Variants in PTGER1 observed in about 807,000 individuals in gnomAD.
PTGER1 encodes prostaglandin E2 receptor EP1 subtype.
A neutral mutation model predicts 18.5 loss-of-function variants in PTGER1; 15 were observed. That is an observed-to-expected ratio of 0.81 (90% confidence interval 0.54 to 1.25). The LOEUF (loss-of-function observed/expected upper bound fraction) is 1.25. Ranked by LOEUF, PTGER1 falls within the 50% of genes most tolerant of loss-of-function variation. The pLI, the probability that PTGER1 is intolerant of heterozygous loss-of-function variation, is 0.00. For synonymous variants in PTGER1, 339 were observed against 308.4 expected, an observed-to-expected ratio of 1.10 and a Z score of -1.04; for missense variants, 567 against 603.4, an observed-to-expected ratio of 0.94 and a Z score of 0.63.
Position 14,474,533 on chromosome 19 carries a change from C to G in PTGER1, c.-17-196G>C, listed in dbSNP as rs1372215839. 6.6e-6 allele frequency among the ~76,000 whole-genome samples: 1 copy of G among 152,102 alleles called. No homozygotes were observed. Among genetic ancestry groups the G allele is most frequent in the Non-Finnish European group, 1.5e-5 (1 of 68,002 alleles). ...GGAAACCCTTCTCCCTCTCTTTTGC[C>G]TCTCACCACCCCATCTCCTGCTCCA... On this transcript the variant is annotated intron_variant, in intron 1 of 2. Coordinates refer to ENST00000292513, the MANE Select transcript of PTGER1 (RefSeq NM_000955.3). The surrounding 1 kb of genome is among the most constrained non-coding windows in gnomAD (Gnocchi z 5.4).
In PTGER1 at chr19:14,474,227, A is replaced by C. The variant is rs1185823998; in HGVS notation, c.94T>G (p.Ser32Ala). Residue 32 changes from serine to alanine, a missense_variant, in exon 2 of 3, where the codon TCG becomes GCG. By Grantham distance (99) the Ser-to-Ala change is moderately conservative. Transcript: ENST00000292513. This position sits in a 1 kb window ranked among gnomAD's most constrained non-coding sequence, Gnocchi z 5.4. ...WVPNTSAVPPSGASPALPIFS... is the reference protein window; with the variant it reads ...WVPNTSAVPPAGASPALPIFS... ...ATGGGCAGCGCGGGCGAAGCGCCCG[A>C]CGGCGGCACGGCCGACGTGTTGGGG... is the stretch of plus-strand genomic sequence containing the variant. The C allele has an allele frequency of 3.3e-6, 5 of 1,526,828 alleles. No homozygotes were observed. Among genetic ancestry groups the C allele is most frequent in the Non-Finnish European group, 4.4e-6 (5 of 1,142,854 alleles). 94.6% of individuals were successfully genotyped at this position (1,526,828 alleles called of 1,614,324 possible).
chr19:14,474,134 G>A lies in PTGER1; in HGVS notation c.187C>T (p.Arg63Cys), dbSNP rs1176686989. 1.4e-6 allele frequency: 2 copies of A among 1,429,162 alleles called. No homozygotes were observed. Among genetic ancestry groups the A allele is most frequent in the Non-Finnish European group, 1.8e-6 (2 of 1,103,238 alleles). 88.5% of individuals were successfully genotyped at this position (1,429,162 alleles called of 1,614,324 possible). Residue 63 changes from arginine (R) to cysteine (C), a missense_variant, in exon 2 of 3, where the codon CGC becomes TGC. Physicochemically the swap from Arg to Cys is radical, Grantham distance 180. Transcript: ENST00000292513. The surrounding 1 kb of genome is among the most constrained non-coding windows in gnomAD (Gnocchi z 5.4). ...GCGGCCGAGCGGCGGCGTCGCAGGCGGCCCGCGGCCTGCGCCAGCAGCGCC... is the reference window on the plus strand; with the variant it reads ...GCGGCCGAGCGGCGGCGTCGCAGGCAGCCCGCGGCCTGCGCCAGCAGCGCC... ...ALALLAQAAG[R>C]LRRRRSAATF... is the part of the protein sequence containing the mutation.
Position 14,472,504 on chromosome 19 carries a change from C to T in PTGER1, c.*56G>A. ...TTTTATTCCCAAAGGCTCTGCGCCG[C>T]GCACCTGGGCCCAGCCCAGGGTGGG... On this transcript the variant is annotated 3_prime_UTR_variant, in exon 3 of 3. Coordinates refer to ENST00000292513, the MANE Select transcript of PTGER1 (RefSeq NM_000955.3). The T allele has an allele frequency of 6.7e-7, 1 of 1,483,482 alleles. No individual in the cohort carries two copies. Among genetic ancestry groups the T allele is most frequent in the Non-Finnish European group, 8.9e-7 (1 of 1,124,604 alleles). 91.9% of individuals were successfully genotyped at this position (1,483,482 alleles called of 1,614,324 possible).
chr19:14,472,912 G>A (rs963522838), intron 2 of PTGER1, 86 bp from the exon 3 acceptor site: 7 of 1,365,888 alleles, frequency 5.1e-6, no homozygotes, highest in African/African-American at 1.4e-5. Context: ...GAAGGTAAAA[G>A]CCTGGGAGGA....
Position 14,474,595 on chromosome 19 carries a change from CTTCATGGT to C in PTGER1, c.-17-266_-17-259del, listed in dbSNP as rs368054638. 7.2e-3 allele frequency among the ~76,000 whole-genome samples: 1,096 copies of C among 152,228 alleles called. 13 individuals are homozygous for C. The highest frequency in any genetic ancestry group is 0.023 in the African/African-American group (964 of 41,496). On this transcript the variant is annotated intron_variant, in intron 1 of 2. Coordinates refer to ENST00000292513, the MANE Select transcript of PTGER1 (RefSeq NM_000955.3). This position sits in a 1 kb window ranked among gnomAD's most constrained non-coding sequence, Gnocchi z 5.4. ...TAACCCCACTGGCCCTTTCTCTGCC[CTTCATGGT>C]TTCCTGCAAGATTCCCCCCAGCCCC...
chr19:14,474,915 CCTGCCCCATGGACCTGCCT>C lies in PTGER1; in HGVS notation c.-18+328_-18+346del, dbSNP rs2071598639. Among the ~76,000 whole-genome samples the C allele has an allele frequency of 3.3e-5, 5 of 152,162 alleles. No individual in the cohort carries two copies. The highest frequency in any genetic ancestry group is 3.3e-4 in the Admixed American group (5 of 15,272). On this transcript the variant is annotated intron_variant, in intron 1 of 2. Coordinates refer to ENST00000292513, the MANE Select transcript of PTGER1 (RefSeq NM_000955.3). The surrounding 1 kb of genome is among the most constrained non-coding windows in gnomAD (Gnocchi z 5.4). ...TCTGTGCCATGGACCCATCTCTGCC[CCTGCCCCATGGACCTGCCT>C]CTGCTCCACTGCGGTCTCTCGCCAG...
rs1445229354 is a variant in PTGER1 at position 14,472,823 on chromosome 19, A to C, written c.946T>G (p.Leu316Val). 1.9e-6 allele frequency: 3 copies of C among 1,550,588 alleles called. No homozygotes were observed. Among genetic ancestry groups the C allele is most frequent in the Non-Finnish European group, 2.6e-6 (3 of 1,150,086 alleles). Residue 316 changes from leucine to valine, a missense_variant, in exon 3 of 3, where the codon TTG becomes GTG. Transcript: ENST00000292513. The stretch of plus-strand genomic sequence containing the variant: ...CAGCCGCCGACGGCCAGCGCCACCA[A>C]CACCTGCGGGGGAAGCCGGTGTGAG... ...SCICWSPMLV[L>V]VALAVGGWSS...
At position 14,474,039 on chromosome 19, in the gene PTGER1, C is replaced by T. The variant is rs2071591984; in HGVS notation, c.282G>A (p.Leu94=). ...DLAGHVIPGA[L]VLRLYTAGRA... ...GCCCCGCAGTGTACAGACGCAGCAC[C>T]AGCGCGCCCGGGATCACGTGGCCCG... Residue 94 remains leucine, a synonymous_variant, in exon 2 of 3, where the codon CTG becomes CTA. Coordinates refer to ENST00000292513, the MANE Select transcript of PTGER1 (RefSeq NM_000955.3). This position sits in a 1 kb window ranked among gnomAD's most constrained non-coding sequence, Gnocchi z 5.4. The T allele has an allele frequency of 2.0e-6, 3 of 1,498,426 alleles. No homozygotes were observed. The highest frequency in any genetic ancestry group is 1.5e-5 in the African/African-American group (1 of 68,802). The allele number at this position is 1,498,426 out of a possible 1,614,324, so 92.8% of individuals were successfully genotyped here.
At position 14,473,174 on chromosome 19, in the gene PTGER1, G is replaced by T. The variant is rs2071581649; in HGVS notation, c.942+205C>A. 6.6e-6 allele frequency among the ~76,000 whole-genome samples: 1 copy of T among 152,028 alleles called. No homozygotes were observed. The highest frequency in any genetic ancestry group is 6.5e-5 in the Admixed American group (1 of 15,274). ...GGTGCGCTACAAAGACCCCAAAAAG[G>T]AAGAGGAGAGGGGGGCTAGGAGGAA... On this transcript the variant is annotated intron_variant, in intron 2 of 2. Transcript: ENST00000292513. The surrounding 1 kb of genome is among the most constrained non-coding windows in gnomAD (Gnocchi z 7.1).
Position 14,474,345 on chromosome 19 carries a change from G to C in PTGER1, c.-17-8C>G, listed in dbSNP as rs1264184183. ...TGTCAGGCGCCAGGGGTGCTGGATA[G>C]AGGAGAGGAGGGCAGAGTGAGGCTG... On this transcript the variant is annotated splice_region_variant and splice_polypyrimidine_tract_variant and intron_variant, in intron 1 of 2. Transcript: ENST00000292513. This position sits in a 1 kb window ranked among gnomAD's most constrained non-coding sequence, Gnocchi z 5.4. 1 of 1,491,720 alleles carries C rather than the reference G, an allele frequency of 6.7e-7. No homozygotes were observed. The highest frequency in any genetic ancestry group is 8.9e-7 in the Non-Finnish European group (1 of 1,128,696). The allele number at this position is 1,491,720 out of a possible 1,614,324, so 92.4% of individuals were successfully genotyped here.
At position 14,472,766 on chromosome 19, in the gene PTGER1, G is replaced by A; in HGVS notation, c.1003C>T (p.Leu335=). 6.3e-7 allele frequency: 1 copy of A among 1,590,220 alleles called. No individual in the cohort carries two copies. Among genetic ancestry groups the A allele is most frequent in the Non-Finnish European group, 8.6e-7 (1 of 1,169,436 alleles). ...TTCCAGGAGGCAAGGCGCACGGCCAGGAACAGTGGCCGCTGCAGGGAGGTA... is the reference window on the plus strand; with the variant it reads ...TTCCAGGAGGCAAGGCGCACGGCCAAGAACAGTGGCCGCTGCAGGGAGGTA... ...SSTSLQRPLF[L]AVRLASWNQI... Residue 335 remains leucine, a synonymous_variant, in exon 3 of 3, where the codon CTG becomes TTG. Coordinates refer to ENST00000292513, the MANE Select transcript of PTGER1 (RefSeq NM_000955.3).
chr19:14,474,391 A>G lies in PTGER1; in HGVS notation c.-17-54T>C. The stretch of plus-strand genomic sequence containing the variant: ...GGCTGGCTGGGCCCGGGCGGGGACC[A>G]GCCCACGGTGCCATCTCAGAACATC... On this transcript the variant is annotated intron_variant, in intron 1 of 2. Transcript: ENST00000292513. This position sits in a 1 kb window ranked among gnomAD's most constrained non-coding sequence, Gnocchi z 5.4. 7.1e-7 allele frequency: 1 copy of G among 1,414,650 alleles called. No homozygotes were observed. The highest frequency in any genetic ancestry group is 9.2e-7 in the Non-Finnish European group (1 of 1,090,984). The allele number at this position is 1,414,650 out of a possible 1,614,324, so 87.6% of individuals were successfully genotyped here. A position where few individuals can be genotyped will look rare whatever the true frequency, so the allele number is the denominator to read the frequency against.
At chr19:14,472,915 T>G (rs1599339026) in intron 2 of PTGER1, 89 bp from the exon 3 acceptor site, 3 of 1,323,194 alleles carry the variant, frequency 2.3e-6, no homozygotes, top group South Asian at 1.5e-5. Context: ...GGTAAAAGCC[T>G]GGGAGGAGGG....
Position 14,474,979 on chromosome 19 carries a change from T to C in PTGER1, c.-18+283A>G, listed in dbSNP as rs1488545374. 2.0e-5 allele frequency among the ~76,000 whole-genome samples: 3 copies of C among 152,132 alleles called. No individual in the cohort carries two copies. Among genetic ancestry groups the C allele is most frequent in the Admixed American group, 6.6e-5 (1 of 15,264 alleles). The stretch of plus-strand genomic sequence containing the variant: ...CGCCAGGCCCTACCCCGATCACCTC[T>C]GCCTCACCCTGGGTGCCCACGGTTC... On this transcript the variant is annotated intron_variant, in intron 1 of 2. Coordinates refer to ENST00000292513, the MANE Select transcript of PTGER1 (RefSeq NM_000955.3). This position sits in a 1 kb window ranked among gnomAD's most constrained non-coding sequence, Gnocchi z 5.4.
rs201646772 is a variant in PTGER1 at position 14,474,023 on chromosome 19, T to C, written c.298A>G (p.Thr100Ala). The change falls in exon 2 of 3, where the codon ACT (threonine) becomes GCT (alanine). Residue 100 changes from threonine (T) to alanine (A), a missense_variant. Transcript: ENST00000292513. The surrounding 1 kb of genome is among the most constrained non-coding windows in gnomAD (Gnocchi z 5.4). ...IPGALVLRLY[T>A]AGRAPAGGAC... is the part of the protein sequence containing the mutation. ...CCGCCGGCCGGAGCGCGCCCCGCAG[T>C]GTACAGACGCAGCACCAGCGCGCCC... The C allele has an allele frequency of 1.1e-4, 165 of 1,500,082 alleles. No individual in the cohort carries two copies. Among genetic ancestry groups the C allele is most frequent in the Non-Finnish European group, 1.4e-4 (158 of 1,129,586 alleles). 92.9% of individuals were successfully genotyped at this position (1,500,082 alleles called of 1,614,324 possible).
In PTGER1 at chr19:14,474,458, GC is replaced by G; in HGVS notation, c.-17-122del. 1 of 1,153,472 alleles carries G rather than the reference GC, an allele frequency of 8.7e-7. No individual in the cohort carries two copies. Among genetic ancestry groups the G allele is most frequent in the Non-Finnish European group, 1.1e-6 (1 of 873,494 alleles). 71.5% of individuals were successfully genotyped at this position (1,153,472 alleles called of 1,614,324 possible). A position where few individuals can be genotyped will look rare whatever the true frequency, so the allele number is the denominator to read the frequency against. ...CATGGCGTTCTCAGGCGGCCCCTCT[GC>G]CCATGGCAGTTGCCATGGGCAACTC... On this transcript the variant is annotated intron_variant, in intron 1 of 2. Transcript: ENST00000292513. The surrounding 1 kb of genome is among the most constrained non-coding windows in gnomAD (Gnocchi z 5.4).
In PTGER1 at chr19:14,474,236, C is replaced by G. The variant is rs1393291415; in HGVS notation, c.85G>C (p.Val29Leu). ...AAPWVPNTSA[V>L]PPSGASPALP... is the part of the protein sequence containing the mutation. ...GCGGGCGAAGCGCCCGACGGCGGCA[C>G]GGCCGACGTGTTGGGGACCCAGGGC... Residue 29 changes from valine (V) to leucine (L), a missense_variant, in exon 2 of 3, where the codon GTG becomes CTG. Transcript: ENST00000292513. This position sits in a 1 kb window ranked among gnomAD's most constrained non-coding sequence, Gnocchi z 5.4. 4.6e-6 allele frequency: 7 copies of G among 1,527,978 alleles called. No homozygotes were observed. Among genetic ancestry groups the G allele is most frequent in the Non-Finnish European group, 6.1e-6 (7 of 1,143,296 alleles). The allele number at this position is 1,527,978 out of a possible 1,614,324, so 94.7% of individuals were successfully genotyped here. A position where few individuals can be genotyped will look rare whatever the true frequency, so the allele number is the denominator to read the frequency against.
At position 14,474,870 on chromosome 19, in the gene PTGER1, C is replaced by G. The variant is rs1157352742; in HGVS notation, c.-18+392G>C. On this transcript the variant is annotated intron_variant, in intron 1 of 2. Coordinates refer to ENST00000292513, the MANE Select transcript of PTGER1 (RefSeq NM_000955.3). The surrounding 1 kb of genome is among the most constrained non-coding windows in gnomAD (Gnocchi z 5.4). Reference sequence around the variant, plus strand: ...CTGTCCCCCATGGACCCATCTCTGACCCCACATGGCACAGCCACATCTGTG... The same window carrying G: ...CTGTCCCCCATGGACCCATCTCTGAGCCCACATGGCACAGCCACATCTGTG... 6.6e-6 allele frequency among the ~76,000 whole-genome samples: 1 copy of G among 152,184 alleles called. No homozygotes were observed. Among genetic ancestry groups the G allele is most frequent in the Non-Finnish European group, 1.5e-5 (1 of 68,014 alleles).
chr19:14,474,947 G>A lies in PTGER1; in HGVS notation c.-18+315C>T, dbSNP rs932624497. Among the ~76,000 whole-genome samples the A allele has an allele frequency of 1.2e-4, 18 of 152,046 alleles. No individual in the cohort carries two copies. The highest frequency in any genetic ancestry group is 1.3e-4 in the Non-Finnish European group (9 of 68,014). ...CATGGACCTGCCTCTGCTCCACTGC[G>A]GTCTCTCGCCAGGCCCTACCCCGAT... On this transcript the variant is annotated intron_variant, in intron 1 of 2. Transcript: ENST00000292513. The surrounding 1 kb of genome is among the most constrained non-coding windows in gnomAD (Gnocchi z 5.4).
Sources: allele counts gnomAD v4.1 joint callset (sites outside exome capture counted in the v4.1 genomes callset), GRCh38; gene constraint gnomAD v4.1.1; non-coding constraint Gnocchi (gnomAD v3.1); transcripts MANE v1.5; gene names NCBI Gene and HGNC (gene_info 2026-07-23, HGNC 2026-07-21).